The following TRIM9 variants were observed in gnomAD, a reference collection of about 807,000 sequenced individuals.
TRIM9 encodes the protein E3 ubiquitin-protein ligase TRIM9.
A neutral mutation model predicts 78.3 loss-of-function variants in TRIM9; 26 were observed. That is an observed-to-expected ratio of 0.33 (90% confidence interval 0.24 to 0.46). The LOEUF is 0.46. Among genes scored for constraint, TRIM9 ranks in the 20% least tolerant of loss-of-function variants. The pLI is 1.00. For missense variants in TRIM9, 787 were observed against 1,036.4 expected (o/e 0.76, Z 3.30); for synonymous variants, 398 against 416.5 (o/e 0.96, Z 0.54).
chr14:51,061,457 G>A lies in TRIM9; in HGVS notation c.822+32661C>T, dbSNP rs116140443. ...TTGGATTGTTGACTTTTTATTGTAA[G>A]GATATACATATTGAATTTAAGTCCT... On this transcript the variant is annotated intron_variant, in intron 1 of 12. Coordinates refer to ENST00000684578, the MANE Select transcript of TRIM9 (RefSeq NM_001387360.1). Among the ~76,000 whole-genome samples the A allele has an allele frequency of 6.2e-3, 934 of 150,770 alleles. 10 individuals are homozygous for A. Among genetic ancestry groups the A allele is most frequent in the African/African-American group, 0.021 (881 of 41,140 alleles).
Position 50,977,323 on chromosome 14 carries a change from CG to C in TRIM9, c.2355del (p.Asp786ThrfsTer9). On this transcript the variant is annotated frameshift_variant, in exon 13 of 13. Coordinates refer to ENST00000684578, the MANE Select transcript of TRIM9 (RefSeq NM_001387360.1). LOFTEE classifies it high-confidence loss of function. ...ATTGATGCTCTGCTGGAGTAGAAGT[CG>C]GGGACTGGGAGCCCGGTGTGCAGCG... Reference protein sequence around the residue: ...QVTLHTGLPVPDFYSSRASIA With the variant: ...QVTLHTGLPVXDFYSSRASIA 2 of 1,547,318 alleles carry C rather than the reference CG, an allele frequency of 1.3e-6. No homozygotes were observed. The highest frequency in any genetic ancestry group is 1.7e-6 in the Non-Finnish European group (2 of 1,144,024).
intron 1 of TRIM9, among the ~76,000 whole-genome samples, chr14:51,068,184 A>C (rs1470435123): frequency 6.6e-6 from 1 of 152,170 alleles, no homozygotes; most frequent in African/African-American, 2.4e-5. Flanking sequence ...AGAACCACTG[A>C]ACTAGTATTT....
intron 1 of TRIM9, among the ~76,000 whole-genome samples, chr14:51,029,056 A>G (rs574904427): frequency 1.3e-5 from 2 of 152,084 alleles, no homozygotes; most frequent in East Asian, 3.9e-4. Flanking sequence ...ATCCCGCCCA[A>G]TGCCTGACTT....
At chr14:50,993,515 C>T (rs1322001446) in intron 7 of TRIM9, among the ~76,000 whole-genome samples, 3 of 151,992 alleles carry the variant, frequency 2.0e-5, no homozygotes, top group African/African-American at 7.3e-5. Flanking sequence ...ATTACAGGCG[C>T]CCGCCACCAC....
intron 1 of TRIM9, among the ~76,000 whole-genome samples, chr14:51,026,234 G>C (rs1014113137): frequency 6.6e-6 from 1 of 152,150 alleles, no homozygotes; most frequent in Non-Finnish European, 1.5e-5. Flanking sequence ...GGATGGATGT[G>C]ATGTCTTCCG....
At chr14:51,033,395 G>T (rs924889744) in intron 1 of TRIM9, among the ~76,000 whole-genome samples, 2 of 152,274 alleles carry the variant, frequency 1.3e-5, no homozygotes, top group African/African-American at 4.8e-5. Flanking sequence ...CTAGCCCAAT[G>T]ATGTTTTTAT....
Position 50,976,652 on chromosome 14 carries a change from T to C in TRIM9, c.*639A>G, listed in dbSNP as rs568082642. ...CCAGGGTTCTGGCCTATCCTAATTA[T>C]AGAGCCATCCTAACGATCCTACCCT... On this transcript the variant is annotated 3_prime_UTR_variant, in exon 13 of 13. Coordinates refer to ENST00000684578, the MANE Select transcript of TRIM9 (RefSeq NM_001387360.1). 25 of 152,776 alleles carry C rather than the reference T, an allele frequency of 1.6e-4. No homozygotes were observed. The highest frequency in any genetic ancestry group is 6.0e-4 in the African/African-American group (25 of 41,586). The allele number at this position is 152,776 out of a possible 1,614,324, so 9.5% of individuals were successfully genotyped here.
chr14:51,016,726 T>G (rs1596182172), intron 3 of TRIM9, among the ~76,000 whole-genome samples: 1 of 152,094 alleles, frequency 6.6e-6, no homozygotes, highest in African/African-American at 2.4e-5. Context: ...TTGTACTCCA[T>G]GGAAAACAAC....
Position 51,094,594 on chromosome 14 carries a change from C to A in TRIM9, c.346G>T (p.Ala116Ser), listed in dbSNP as rs980496000. ...GAGTTGCGGGGCACCGGGGCCAGGG[C>A]CGGTGACAAGTGGGTGGCCGGTGGC... ...MPPPATHLSPALAPVPRNSCI... is the reference protein window; with the variant it reads ...MPPPATHLSPSLAPVPRNSCI... The change falls in exon 1 of 13, where the codon GCC becomes TCC. Residue 116 changes from alanine (A) to serine (S), a missense_variant. Physicochemically the swap from Ala to Ser is moderately conservative, Grantham distance 99. Around this residue, in one of 3 missense-constraint regions of TRIM9, gnomAD observed 352 missense variants for 472.3 expected, o/e 0.75. Transcript: ENST00000684578. 1.2e-6 allele frequency: 2 copies of A among 1,610,694 alleles called. No individual in the cohort carries two copies. Among genetic ancestry groups the A allele is most frequent in the Non-Finnish European group, 1.7e-6 (2 of 1,178,504 alleles).
chr14:51,092,639 A>G (rs1306525870), intron 1 of TRIM9, among the ~76,000 whole-genome samples: 15 of 152,120 alleles, frequency 9.9e-5, no homozygotes, highest in Admixed American at 9.2e-4. Context: ...CACAGCCCCA[A>G]CTAAATGGAT....
At position 50,976,566 on chromosome 14, in the gene TRIM9, C is replaced by A. The variant is rs2051104081; in HGVS notation, c.*725G>T. On this transcript the variant is annotated 3_prime_UTR_variant, in exon 13 of 13. Transcript: ENST00000684578. ...TAAAAGCTTTTATTAAATAAACGAA[C>A]CAAATCATTAAGTCCCCTGGTTTGC... is the stretch of plus-strand genomic sequence containing the variant. 1 of 152,560 alleles carries A rather than the reference C, an allele frequency of 6.6e-6. No homozygotes were observed. The highest frequency in any genetic ancestry group is 1.5e-5 in the Non-Finnish European group (1 of 68,028). 9.5% of individuals were successfully genotyped at this position (152,560 alleles called of 1,614,324 possible). A position where few individuals can be genotyped will look rare whatever the true frequency, so the allele number is the denominator to read the frequency against.
chr14:51,046,745 C>T (rs2059980203), intron 1 of TRIM9, among the ~76,000 whole-genome samples: 1 of 152,132 alleles, frequency 6.6e-6, no homozygotes, highest in Non-Finnish European at 1.5e-5. Flanking sequence ...ACCCGTAAAA[C>T]CCTGGGCAAA....
intron 5 of TRIM9, among the ~76,000 whole-genome samples, chr14:51,006,427 T>C (rs1174721409): frequency 2.6e-5 from 4 of 152,186 alleles, no homozygotes; most frequent in African/African-American, 7.2e-5. Flanking sequence ...TTAACAGATA[T>C]TACAGAGGCC....
At chr14:51,028,071 C>T (rs2058419011) in intron 1 of TRIM9, among the ~76,000 whole-genome samples, 1 of 152,174 alleles carries the variant, frequency 6.6e-6, no homozygotes, top group African/African-American at 2.4e-5. Flanking sequence ...CTGCTGTATA[C>T]TTAGAAATAC....
chr14:50,979,037 G>T, intron 12 of TRIM9: 1 of 1,293,960 alleles, frequency 7.7e-7, no homozygotes, highest in Non-Finnish European at 9.8e-7. Flanking sequence ...GCACTCCTGA[G>T]CTTTGTTAAG....
chr14:51,063,300 G>C (rs1372722339), intron 1 of TRIM9, among the ~76,000 whole-genome samples: 1 of 152,146 alleles, frequency 6.6e-6, no homozygotes, highest in African/African-American at 2.4e-5. Flanking sequence ...CAATCTGACA[G>C]AGAGAGGAAA....
At chr14:50,994,590 A>T (rs1470411075) in intron 7 of TRIM9, among the ~76,000 whole-genome samples, 1 of 152,254 alleles carries the variant, frequency 6.6e-6, no homozygotes, top group African/African-American at 2.4e-5. Context: ...GGGAAACTAG[A>T]GAAAAATAAA....
At chr14:51,025,228 C>G (rs755813729) in intron 2 of TRIM9, 37 bp downstream of exon 2, 1 of 1,567,148 alleles carries the variant, frequency 6.4e-7, no homozygotes, top group South Asian at 1.1e-5. Context: ...TACGTATTAA[C>G]CGGCGGGTTT....
At position 51,095,052 on chromosome 14, in the gene TRIM9, T is replaced by C. The variant is rs2064808812; in HGVS notation, c.-113A>G. 3 of 744,664 alleles carry C rather than the reference T, an allele frequency of 4.0e-6. No individual in the cohort carries two copies. Among genetic ancestry groups the C allele is most frequent in the Admixed American group, 3.7e-5 (1 of 26,792 alleles). 46.1% of individuals were successfully genotyped at this position (744,664 alleles called of 1,614,324 possible). A position where few individuals can be genotyped will look rare whatever the true frequency, so the allele number is the denominator to read the frequency against. On this transcript the variant is annotated 5_prime_UTR_variant, in exon 1 of 13. Coordinates refer to ENST00000684578, the MANE Select transcript of TRIM9 (RefSeq NM_001387360.1). ...TGGCCAGCGGCGGCGGCTGTGGTGG[T>C]GGTGCCTTCCCGCGCAGCACTGGCA... is the stretch of plus-strand genomic sequence containing the variant.
Sources: gnomAD v4.1 joint callset for allele counts (sites outside exome capture counted in the v4.1 genomes callset) on GRCh38, gnomAD v4.1.1 for gene constraint, gnomAD v4.1.1 regional missense constraint, MANE v1.5 for transcripts, NCBI Gene and HGNC (gene_info 2026-07-23, HGNC 2026-07-21) for gene names.